PHACTR3: variants seen among roughly 807,000 people sequenced by gnomAD.
PHACTR3 encodes the protein phosphatase and actin regulator 3.
PHACTR3 carries 16 observed loss-of-function variants against 66.8 expected under a neutral mutation model. The ratio of observed to expected loss-of-function variants is 0.24; its 90% confidence interval spans 0.16 to 0.36. The LOEUF is 0.36. PHACTR3 is among the 10% of genes least tolerant of loss of function. PHACTR3 has a pLI of 1.00. For missense variants in PHACTR3, 647 were observed against 719.9 expected, an observed-to-expected ratio of 0.90 and a Z score of 1.16; for synonymous variants, 323 against 292.1, an observed-to-expected ratio of 1.11 and a Z score of -1.08.
intron 12 of PHACTR3, among the ~76,000 whole-genome samples, chr20:59,846,442 G>A (rs1345418780): frequency 6.6e-6 from 1 of 151,558 alleles, no homozygotes; most frequent in East Asian, 1.9e-4. Flanking sequence ...GTCATATGGA[G>A]GAATAGGTCA....
rs564778070 is a variant in PHACTR3, at chr20:59,750,553, G to C, written c.358+2718G>C. ...GGGTTGGGTTGGAGGAAAGGAGGAA[G>C]GAGGAAGCAGGAAAGGGAGAGGGGC... is the stretch of plus-strand genomic sequence containing the variant. On this transcript the variant is annotated intron_variant, in intron 3 of 12. Coordinates refer to ENST00000371015, the MANE Select transcript of PHACTR3 (RefSeq NM_080672.5). 1.7e-3 allele frequency among the ~76,000 whole-genome samples: 258 copies of C among 152,286 alleles called. 1 individual carries two copies. Among genetic ancestry groups the C allele is most frequent in the South Asian group, 7.0e-3 (34 of 4,830 alleles).
chr20:59,604,433 T>A (rs1215177247), upstream of PHACTR3: 1 of 211,174 alleles, frequency 4.7e-6, no homozygotes, highest in Non-Finnish European at 8.2e-6. Flanking sequence ...CCCCTCCCAG[T>A]GGCCACGCGC....
At chr20:59,645,670 CAT>C (rs913401241) in intron 1 of PHACTR3, among the ~76,000 whole-genome samples, 1 of 152,120 alleles carries the variant, frequency 6.6e-6, no homozygotes, top group Non-Finnish European at 1.5e-5. Flanking sequence ...TATACATGTA[CAT>C]ATGTGTGTGT....
intron 1 of PHACTR3, among the ~76,000 whole-genome samples, chr20:59,667,740 G>A (rs931822954): frequency 6.6e-6 from 1 of 152,228 alleles, no homozygotes; most frequent in Non-Finnish European, 1.5e-5. Context: ...CATTGCCAAG[G>A]AAGTCCTGAA....
rs59869424 is a variant in PHACTR3, at chr20:59,604,719, T to C, written c.-296T>C. The C allele has an allele frequency of 3.5e-3, 3,673 of 1,051,176 alleles. 75 individuals carry two copies. The African/African-American group carries it at 0.051, about 15-fold the overall frequency. The allele number at this position is 1,051,176 out of a possible 1,614,324, so 65.1% of individuals were successfully genotyped here. ...TTTCCTGGTTCAACTTTTTTTTTTT[T>C]CCCTGGAATATAGACTGAAGAATGG... On this transcript the variant is annotated 5_prime_UTR_variant, in exon 1 of 13. Transcript: ENST00000371015.
chr20:59,818,536 A>G (rs931047358), intron 8 of PHACTR3, among the ~76,000 whole-genome samples: 4 of 152,168 alleles, frequency 2.6e-5, no homozygotes, highest in South Asian at 4.1e-4. Flanking sequence ...TTCCATCAGC[A>G]CAATCGATTT....
intron 11 of PHACTR3, 82 bp from the exon 12 acceptor site, chr20:59,845,107 G>C (rs2059126578): frequency 4.6e-6 from 4 of 878,100 alleles, no homozygotes; most frequent in Non-Finnish European, 7.3e-6. Flanking sequence ...CAAGGATTAG[G>C]AATGGTTAAT....
intron 1 of PHACTR3, among the ~76,000 whole-genome samples, chr20:59,681,951 G>A (rs748153210): frequency 4.6e-5 from 7 of 151,766 alleles, no homozygotes; most frequent in Middle Eastern, 6.8e-3. Context: ...TGGAGGTTGC[G>A]GTGAGCAGAG....
chr20:59,809,773 C>T (rs1284475836), intron 8 of PHACTR3, among the ~76,000 whole-genome samples: 1 of 152,136 alleles, frequency 6.6e-6, no homozygotes, highest in African/African-American at 2.4e-5. Flanking sequence ...CTACTCAGTT[C>T]AGGCGCTGTA....
At chr20:59,577,705 A>C in intron 1 of PHACTR3, 2 of 916,208 alleles carry the variant, frequency 2.2e-6, no homozygotes, top group Non-Finnish European at 2.8e-6. Context: ...CTCCTCCTGA[A>C]TCCCTTGCCC....
chr20:59,729,141 G>A lies in PHACTR3; in HGVS notation c.119-13966G>A, dbSNP rs1209443986. On this transcript the variant is annotated intron_variant, in intron 1 of 12. Transcript: ENST00000371015. ...TAACTCCTGTGGAAGCCACTGGAGG[G>A]TTTGAGGCAGGGTAAGGCGGGGTCA... 2.6e-5 allele frequency among the ~76,000 whole-genome samples: 4 copies of A among 152,124 alleles called. No individual in the cohort carries two copies. In the East Asian group the frequency reaches 7.7e-4, roughly 29 times the overall value.
intron 1 of PHACTR3, among the ~76,000 whole-genome samples, chr20:59,597,064 G>T (rs1431885017): frequency 6.6e-6 from 1 of 152,256 alleles, no homozygotes; most frequent in African/African-American, 2.4e-5. Context: ...TGCTTTGTAA[G>T]CCGGGGTTGC....
intron 1 of PHACTR3, among the ~76,000 whole-genome samples, chr20:59,734,873 T>C (rs1346698093): frequency 6.6e-6 from 1 of 151,990 alleles, no homozygotes; most frequent in Admixed American, 6.5e-5. Flanking sequence ...ACCTACTACC[T>C]CCCCTAGCTT....
chr20:59,828,049 C>A (rs1266309081), intron 8 of PHACTR3, among the ~76,000 whole-genome samples: 1 of 152,202 alleles, frequency 6.6e-6, no homozygotes. Context: ...TGAAGACTGG[C>A]CCCCCATTCC....
chr20:59,690,827 T>A (rs2037083177), intron 1 of PHACTR3, among the ~76,000 whole-genome samples: 1 of 152,128 alleles, frequency 6.6e-6, no homozygotes, highest in Admixed American at 6.5e-5. Context: ...ACTAATGAGT[T>A]GCTACCTGTT....
chr20:59,647,588 C>T (rs1461390904), intron 1 of PHACTR3, among the ~76,000 whole-genome samples: 1 of 152,176 alleles, frequency 6.6e-6, no homozygotes, highest in Admixed American at 6.5e-5. Flanking sequence ...TTATTCACAT[C>T]TTTTCTGTTG....
At chr20:59,639,340 C>T (rs552053368) in intron 1 of PHACTR3, among the ~76,000 whole-genome samples, 1 of 152,230 alleles carries the variant, frequency 6.6e-6, no homozygotes, top group Non-Finnish European at 1.5e-5. Flanking sequence ...AAAGGAGCAC[C>T]TGCAGGATGA....
At chr20:59,744,480 G>C (rs1025422868) in intron 2 of PHACTR3, among the ~76,000 whole-genome samples, 1 of 152,202 alleles carries the variant, frequency 6.6e-6, no homozygotes, top group Non-Finnish European at 1.5e-5. Context: ...GCGAGTGCCC[G>C]TCTCAGGCTG....
chr20:59,740,837 G>A (rs1372202760), intron 1 of PHACTR3, among the ~76,000 whole-genome samples: 1 of 152,230 alleles, frequency 6.6e-6, no homozygotes, highest in African/African-American at 2.4e-5. Context: ...ACTGCCATGT[G>A]GGGCCTTGGG....
Sources: gnomAD v4.1 joint callset for allele counts (sites outside exome capture counted in the v4.1 genomes callset) on GRCh38, gnomAD v4.1.1 for gene constraint, MANE v1.5 for transcripts, NCBI Gene and HGNC (gene_info 2026-07-23, HGNC 2026-07-21) for gene names.